WWOX: variants seen among roughly 807,000 people sequenced by gnomAD.
The protein encoded by WWOX is WW domain-containing oxidoreductase.
Under a neutral mutation model 46.2 loss-of-function variants are expected in WWOX, and 69 were observed. That is an observed-to-expected ratio of 1.49 (90% CI 1.23 to 1.82). WWOX has a LOEUF of 1.82. WWOX is among the 40% of genes most tolerant of loss of function. The pLI, the probability that WWOX is intolerant of heterozygous loss-of-function variation, is 0.00. For synonymous variants in WWOX, 359 were observed against 202.6 expected (o/e 1.77, Z -6.56); for missense variants, 919 against 542.6 (o/e 1.69, Z -6.89).
At chr16:78,583,464 G>T (rs1333895988) in intron 8 of WWOX, among the ~76,000 whole-genome samples, 1 of 151,942 alleles carries the variant, frequency 6.6e-6, no homozygotes, top group Non-Finnish European at 1.5e-5. Context: ...CCATTAAGAA[G>T]AATTCTTTTT....
intron 8 of WWOX, among the ~76,000 whole-genome samples, chr16:78,914,249 C>T (rs1010579476): frequency 6.6e-6 from 1 of 151,960 alleles, no homozygotes; most frequent in African/African-American, 2.4e-5. Flanking sequence ...TTCATTCATT[C>T]ATTGCTAATT....
chr16:78,788,455 C>T (rs954693094), intron 8 of WWOX, among the ~76,000 whole-genome samples: 3 of 152,160 alleles, frequency 2.0e-5, no homozygotes, highest in Admixed American at 2.0e-4. Context: ...GTCAGTCCTG[C>T]CTTATGCCCT....
chr16:78,389,074 C>T (rs73569053), intron 6 of WWOX, among the ~76,000 whole-genome samples: 2 of 152,150 alleles, frequency 1.3e-5, no homozygotes, highest in South Asian at 2.1e-4. Flanking sequence ...TGCAACATCG[C>T]CTAAGCGCAG....
At chr16:78,690,118 C>T (rs2047951416) in intron 8 of WWOX, among the ~76,000 whole-genome samples, 1 of 152,124 alleles carries the variant, frequency 6.6e-6, no homozygotes, top group Non-Finnish European at 1.5e-5. Flanking sequence ...ATTTTGGGCT[C>T]CCAAAGTGCT....
intron 8 of WWOX, chr16:78,825,725 G>C: frequency 1.8e-6 from 1 of 571,200 alleles, no homozygotes. Flanking sequence ...TCAAATCCAT[G>C]AGTTTGTGGA....
intron 8 of WWOX, among the ~76,000 whole-genome samples, chr16:78,732,961 A>C (rs1304623801): frequency 2.0e-5 from 3 of 152,150 alleles, no homozygotes; most frequent in African/African-American, 7.2e-5. Context: ...GCTCGAGTGG[A>C]TGGCTCTTTA....
At chr16:78,183,032 A>T (rs2035582514) in intron 5 of WWOX, among the ~76,000 whole-genome samples, 1 of 151,802 alleles carries the variant, frequency 6.6e-6, no homozygotes, top group Non-Finnish European at 1.5e-5. Flanking sequence ...GTTTTTAAAT[A>T]TGCATCTATG....
intron 8 of WWOX, among the ~76,000 whole-genome samples, chr16:78,786,697 G>C (rs1182079478): frequency 6.6e-6 from 1 of 152,130 alleles, no homozygotes; most frequent in South Asian, 2.1e-4. Context: ...TGTGCCCATA[G>C]TTGGCAGTTT....
intron 8 of WWOX, among the ~76,000 whole-genome samples, chr16:78,476,629 AAG>A (rs1052245370): frequency 3.4e-5 from 5 of 146,252 alleles, no homozygotes; most frequent in African/African-American, 1.3e-4. Context: ...TAAAAAAAAA[AAG>A]AACTGGAGCA....
At chr16:78,133,063 G>A (rs1347460866) in intron 4 of WWOX, among the ~76,000 whole-genome samples, 3 of 152,132 alleles carry the variant, frequency 2.0e-5, no homozygotes, top group Non-Finnish European at 2.9e-5. Flanking sequence ...ATGTAAAATG[G>A]AAGGGTTAGC....
chr16:78,741,355 G>C (rs2049222725), intron 8 of WWOX, among the ~76,000 whole-genome samples: 1 of 152,132 alleles, frequency 6.6e-6, no homozygotes, highest in African/African-American at 2.4e-5. Flanking sequence ...GAGGTCAGGA[G>C]ATCGAGATCA....
intron 8 of WWOX, among the ~76,000 whole-genome samples, chr16:79,169,577 A>G (rs1274573189): frequency 6.6e-6 from 1 of 152,204 alleles, no homozygotes; most frequent in African/African-American, 2.4e-5. Context: ...AGGATGGGGA[A>G]GAGGAATTTT....
chr16:79,173,605 C>A (rs145579123), intron 8 of WWOX, among the ~76,000 whole-genome samples: 3 of 151,770 alleles, frequency 2.0e-5, no homozygotes, highest in African/African-American at 7.2e-5. Context: ...TAACTATTTC[C>A]TATCAAATAA....
chr16:78,781,308 G>C (rs891617521), intron 8 of WWOX, among the ~76,000 whole-genome samples: 2 of 152,104 alleles, frequency 1.3e-5, no homozygotes, highest in East Asian at 3.9e-4. Context: ...TTTCTAAAAA[G>C]TTGGAAGGAC....
At chr16:78,919,518 TG>T (rs1567649111) in intron 8 of WWOX, among the ~76,000 whole-genome samples, 103 of 75,476 alleles carry the variant, frequency 1.4e-3, no homozygotes, top group South Asian at 3.3e-3. Flanking sequence ...TTTATCTTTT[TG>T]TTTTGTTTTT....
intron 8 of WWOX, among the ~76,000 whole-genome samples, chr16:78,931,753 A>G (rs370688604): frequency 1.1e-4 from 17 of 152,332 alleles, no homozygotes; most frequent in African/African-American, 4.1e-4. Context: ...TTTGAAGGCA[A>G]TTCCAGGTTA....
rs1281076603 is a variant in WWOX, at chr16:78,340,123, T to G, written c.517-46737T>G. 4.3e-5 allele frequency among the ~76,000 whole-genome samples: 5 copies of G among 116,840 alleles called. 1 individual carries two copies. Among genetic ancestry groups the G allele is most frequent in the African/African-American group, 1.4e-4 (5 of 34,560 alleles). 76.7% of individuals were successfully genotyped at this position (116,840 alleles called of 152,430 possible). On this transcript the variant is annotated intron_variant, in intron 5 of 8. Coordinates refer to ENST00000566780, the MANE Select transcript of WWOX (RefSeq NM_016373.4). ...CTCTCTGATGTTAATGATAATTGTT[T>G]TAATTTTTCTTTTCTGTTTAGTTTC...
intron 8 of WWOX, among the ~76,000 whole-genome samples, chr16:78,822,433 G>A (rs1221920651): frequency 2.0e-5 from 3 of 152,190 alleles, no homozygotes; most frequent in Non-Finnish European, 2.9e-5. Context: ...GGCAGGGGTT[G>A]CAGTCAGCTG....
rs142953050 is a variant in WWOX at position 78,263,524 on chromosome 16, C to T, written c.516+99235C>T. ...TCATTAACACCATGCAGTGATGAAA[C>T]GCCTCTTAATCAACCCTTGCTGGCT... On this transcript the variant is annotated intron_variant, in intron 5 of 8. Transcript: ENST00000566780. Among the ~76,000 whole-genome samples the T allele has an allele frequency of 1.5e-3, 227 of 152,244 alleles. 1 individual carries two copies. Among genetic ancestry groups the T allele is most frequent in the Middle Eastern group, 0.01 (3 of 294 alleles).
Sources: allele counts gnomAD v4.1 joint callset (sites outside exome capture counted in the v4.1 genomes callset), GRCh38; gene constraint gnomAD v4.1.1; transcripts MANE v1.5; gene names NCBI Gene and HGNC (gene_info 2026-07-23, HGNC 2026-07-21).